The following TBC1D22A variants were observed in gnomAD, a reference collection of about 807,000 sequenced individuals.
TBC1D22A encodes putative GTPase activator.
In TBC1D22A, 38 loss-of-function variants were observed where a neutral mutation model predicts 60.2. That is an observed-to-expected ratio of 0.63 (90% confidence interval 0.49 to 0.83). TBC1D22A has a LOEUF of 0.83. TBC1D22A is among the 40% of genes least tolerant of loss of function. The pLI is 0.00. For missense variants in TBC1D22A, 628 were observed against 701.0 expected (o/e 0.90, Z 1.18); for synonymous variants, 302 against 281.7 (o/e 1.07, Z -0.72).
At chr22:46,892,949 T>C (rs1569183387) in intron 6 of TBC1D22A, among the ~76,000 whole-genome samples, 1 of 152,260 alleles carries the variant, frequency 6.6e-6, no homozygotes, top group Non-Finnish European at 1.5e-5. Flanking sequence ...TGAGGCCTCT[T>C]AGAACTGCGC....
At chr22:46,985,031 G>A (rs1291392593) in intron 9 of TBC1D22A, among the ~76,000 whole-genome samples, 3 of 152,116 alleles carry the variant, frequency 2.0e-5, no homozygotes, top group African/African-American at 2.4e-5. Context: ...GGGAGCCTCC[G>A]CCATGAGTTC....
At chr22:46,840,238 C>G (rs1339170069) in intron 4 of TBC1D22A, among the ~76,000 whole-genome samples, 1 of 152,174 alleles carries the variant, frequency 6.6e-6, no homozygotes, top group South Asian at 2.1e-4. Context: ...AGAGCTCAAA[C>G]AACTCAACAG....
At position 46,984,705 on chromosome 22, in the gene TBC1D22A, G is replaced by A. The variant is rs368617226; in HGVS notation, c.1125+10306G>A. 2.0e-5 allele frequency among the ~76,000 whole-genome samples: 3 copies of A among 152,202 alleles called. No homozygotes were observed. In the South Asian group the frequency reaches 6.2e-4, roughly 32 times the overall value. ...TCCAAGAACTGTTTGGTGGCATGGA[G>A]GTAATAGGAATATTGGGGAAAGTGA... On this transcript the variant is annotated intron_variant, in intron 9 of 12. Coordinates refer to ENST00000337137, the MANE Select transcript of TBC1D22A (RefSeq NM_014346.5).
intron 7 of TBC1D22A, among the ~76,000 whole-genome samples, chr22:46,898,231 T>C (rs2068787980): frequency 1.3e-5 from 2 of 152,214 alleles, no homozygotes; most frequent in African/African-American, 4.8e-5. Context: ...TCACGGCTAG[T>C]GGTAGCAATT....
chr22:46,822,168 G>A (rs1193542713), intron 4 of TBC1D22A, among the ~76,000 whole-genome samples: 1 of 151,826 alleles, frequency 6.6e-6, no homozygotes, highest in Admixed American at 6.6e-5. Flanking sequence ...TAGCTTCTTT[G>A]CATTGGGTTA....
In TBC1D22A at chr22:47,120,510, G is replaced by A. The variant is rs143403464; in HGVS notation, c.1425+8907G>A. Among the ~76,000 whole-genome samples the A allele has an allele frequency of 6.8e-3, 1,029 of 152,320 alleles. 11 individuals are homozygous for A. Among genetic ancestry groups the A allele is most frequent in the African/African-American group, 0.023 (968 of 41,558 alleles). On this transcript the variant is annotated intron_variant, in intron 12 of 12. Coordinates refer to ENST00000337137, the MANE Select transcript of TBC1D22A (RefSeq NM_014346.5). ...AGAGTAAGCCAGCCCTAGAACTAGT[G>A]TTTGCCCTGAAGGTGTCTGCTGCTT...
chr22:46,985,597 T>G (rs6009082), intron 9 of TBC1D22A, among the ~76,000 whole-genome samples: 2 of 152,204 alleles, frequency 1.3e-5, no homozygotes, highest in African/African-American at 4.8e-5. Flanking sequence ...AATAGTTGAT[T>G]CCTTTTAATT....
At chr22:47,062,638 G>A (rs936933418) in intron 11 of TBC1D22A, among the ~76,000 whole-genome samples, 1 of 152,178 alleles carries the variant, frequency 6.6e-6, no homozygotes, top group Non-Finnish European at 1.5e-5. Context: ...AGCTTCGTGT[G>A]GAAAAGACTA....
chr22:47,096,688 G>C (rs1222844640), intron 11 of TBC1D22A, among the ~76,000 whole-genome samples: 1 of 152,134 alleles, frequency 6.6e-6, no homozygotes, highest in Non-Finnish European at 1.5e-5. Flanking sequence ...CGGGTGTAGT[G>C]GCGCATGCCT....
intron 11 of TBC1D22A, among the ~76,000 whole-genome samples, chr22:47,041,977 A>G (rs131884): frequency 0.38 from 57,227 of 152,158 alleles, 11,925 homozygotes; most frequent in African/African-American, 0.57. Context: ...CAGAGCAGGC[A>G]TCAGGCAAGA....
intron 4 of TBC1D22A, among the ~76,000 whole-genome samples, chr22:46,864,477 G>A (rs893551033): frequency 2.0e-5 from 3 of 152,202 alleles, no homozygotes; most frequent in Admixed American, 2.0e-4. Flanking sequence ...TCTGCCAAAG[G>A]CTGGAGAGGA....
intron 10 of TBC1D22A, among the ~76,000 whole-genome samples, chr22:47,013,044 C>G (rs974144191): frequency 1.3e-5 from 2 of 152,186 alleles, no homozygotes; most frequent in African/African-American, 4.8e-5. Context: ...TGCATCTGGC[C>G]CTCCAGCCTC....
chr22:47,171,378 A>G (rs1210283873), intron 12 of TBC1D22A, among the ~76,000 whole-genome samples: 2 of 152,004 alleles, frequency 1.3e-5, no homozygotes, highest in Non-Finnish European at 2.9e-5. Flanking sequence ...GACTTCCTGG[A>G]TCCAGCTTCT....
chr22:47,059,278 C>T (rs1054445428), intron 11 of TBC1D22A, among the ~76,000 whole-genome samples: 5 of 152,214 alleles, frequency 3.3e-5, no homozygotes, highest in Admixed American at 1.3e-4. Flanking sequence ...TGTGGGTGCG[C>T]ACGCGTCTGG....
At chr22:47,148,611 C>A (rs1221585642) in intron 12 of TBC1D22A, among the ~76,000 whole-genome samples, 1 of 150,984 alleles carries the variant, frequency 6.6e-6, no homozygotes, top group African/African-American at 2.4e-5. Context: ...GCCCTTCTCC[C>A]AGGATTCCTC....
At chr22:46,855,593 C>T (rs550098683) in intron 4 of TBC1D22A, among the ~76,000 whole-genome samples, 16 of 152,122 alleles carry the variant, frequency 1.1e-4, no homozygotes, top group Admixed American at 2.0e-4. Flanking sequence ...GGATCCATGC[C>T]GTCCCTTTCA....
chr22:47,018,980 C>T (rs1209259602), intron 10 of TBC1D22A, among the ~76,000 whole-genome samples: 1 of 149,938 alleles, frequency 6.7e-6, no homozygotes, highest in Admixed American at 6.7e-5. Flanking sequence ...GTCCTGACAG[C>T]CCCCGTGCTC....
Position 47,031,487 on chromosome 22 carries a change from C to T in TBC1D22A, c.1202-5584C>T, listed in dbSNP as rs140772990. Among the ~76,000 whole-genome samples the T allele has an allele frequency of 3.6e-3, 555 of 152,330 alleles. 2 individuals carry two copies. Among genetic ancestry groups the T allele is most frequent in the Non-Finnish European group, 5.5e-3 (377 of 68,020 alleles). Reference sequence around the variant, plus strand: ...GTGCCTGTGAGGTTAACGCTGTGTCCGGTTTTCTGGTTAGTTCCTTGTGAC... The same window carrying T: ...GTGCCTGTGAGGTTAACGCTGTGTCTGGTTTTCTGGTTAGTTCCTTGTGAC... On this transcript the variant is annotated intron_variant, in intron 10 of 12. Transcript: ENST00000337137.
intron 1 of TBC1D22A, among the ~76,000 whole-genome samples, chr22:46,771,238 C>T (rs1033719955): frequency 3.3e-5 from 5 of 152,298 alleles, no homozygotes; most frequent in South Asian, 2.1e-4. Context: ...AGTACCCCAT[C>T]GCCTCCAAGT....
Sources: gnomAD v4.1 joint callset for allele counts (sites outside exome capture counted in the v4.1 genomes callset) on GRCh38, gnomAD v4.1.1 for gene constraint, MANE v1.5 for transcripts, NCBI Gene and HGNC (gene_info 2026-07-23, HGNC 2026-07-21) for gene names.